TTLL11: variants seen among roughly 807,000 people sequenced by gnomAD.
TTLL11 encodes tubulin tyrosine ligase like 11.
Under a neutral mutation model 51.7 loss-of-function variants are expected in TTLL11, and 42 were observed. The observed-to-expected ratio is 0.81, with a 90% CI of 0.64 to 1.05. TTLL11 has a LOEUF of 1.05. TTLL11 is among the 50% of genes least tolerant of loss of function. TTLL11 has a pLI of 0.00. For synonymous variants in TTLL11, 381 were observed against 383.5 expected (o/e 0.99, Z 0.08); for missense variants, 799 against 940.4 (o/e 0.85, Z 1.97).
At chr9:122,080,671 C>G (rs975177501) in intron 1 of TTLL11, among the ~76,000 whole-genome samples, 4 of 150,546 alleles carry the variant, frequency 2.7e-5, no homozygotes, top group Non-Finnish European at 5.9e-5. Context: ...CCAGCCTGGG[C>G]GACAGAGTGA....
chr9:121,989,050 G>A lies in TTLL11; in HGVS notation c.1269+145C>T. On this transcript the variant is annotated intron_variant, in intron 4 of 8. Transcript: ENST00000321582. The surrounding 1 kb of genome is among the most constrained non-coding windows in gnomAD (Gnocchi z 4.2). ...ACAGAAAGCTTGGAAGTTGGGCCCA[G>A]GTTTAACACCCAAGCCCACAGCACC... 1 of 1,504,674 alleles carries A rather than the reference G, an allele frequency of 6.6e-7. No homozygotes were observed. Among genetic ancestry groups the A allele is most frequent in the Non-Finnish European group, 8.9e-7 (1 of 1,127,206 alleles). 93.2% of individuals were successfully genotyped at this position (1,504,674 alleles called of 1,614,324 possible). A position where few individuals can be genotyped will look rare whatever the true frequency, so the allele number is the denominator to read the frequency against.
chr9:121,983,904 A>G (rs1205257686), intron 4 of TTLL11, among the ~76,000 whole-genome samples: 1 of 152,182 alleles, frequency 6.6e-6, no homozygotes, highest in Non-Finnish European at 1.5e-5. Flanking sequence ...AATGTGTTAG[A>G]GTCCAAAGGA....
chr9:121,979,253 T>G (rs957822811), intron 4 of TTLL11, among the ~76,000 whole-genome samples: 1 of 152,130 alleles, frequency 6.6e-6, no homozygotes, highest in African/African-American at 2.4e-5. Flanking sequence ...GGGAGTGGGC[T>G]TGGAGGAGGA....
rs557683086 is a variant in TTLL11 at position 121,903,173 on chromosome 9, G to T, written c.1482-32425C>A. Among the ~76,000 whole-genome samples the T allele has an allele frequency of 2.0e-5, 3 of 152,128 alleles. No individual in the cohort carries two copies. The East Asian group carries it at 5.8e-4, about 29-fold the overall frequency. On this transcript the variant is annotated intron_variant, in intron 6 of 8. Transcript: ENST00000321582. The stretch of plus-strand genomic sequence containing the variant: ...ATAGATCCTCTAATCCTCATACCAC[G>T]CCTGCAATGCAACAGGCTCCCTATT...
chr9:121,837,089 T>C (rs1837201007), intron 8 of TTLL11, among the ~76,000 whole-genome samples: 1 of 152,142 alleles, frequency 6.6e-6, no homozygotes, highest in Non-Finnish European at 1.5e-5. Context: ...CGTGTCAGCA[T>C]ATATAGATCT....
chr9:121,859,500 G>T (rs914850181), intron 8 of TTLL11, among the ~76,000 whole-genome samples: 2 of 152,018 alleles, frequency 1.3e-5, no homozygotes, highest in African/African-American at 4.8e-5. Flanking sequence ...GTGAGACTCC[G>T]TCTCAAAGAC....
At chr9:121,979,897 T>G (rs1842791718) in intron 4 of TTLL11, among the ~76,000 whole-genome samples, 1 of 151,930 alleles carries the variant, frequency 6.6e-6, no homozygotes, top group African/African-American at 2.4e-5. Flanking sequence ...GCTGAAACAT[T>G]AGTAGTTCAA....
intron 1 of TTLL11, among the ~76,000 whole-genome samples, chr9:122,041,545 A>G (rs1253318341): frequency 6.6e-6 from 1 of 152,246 alleles, no homozygotes; most frequent in Non-Finnish European, 1.5e-5. Flanking sequence ...ACAGAAAAAT[A>G]TTCAAAGTAA....
chr9:121,915,774 T>C lies in TTLL11; in HGVS notation c.1482-45026A>G, dbSNP rs200883949. On this transcript the variant is annotated intron_variant, in intron 6 of 8. Transcript: ENST00000321582. ...TGGCTACTTTATGTTATCTTCACAA[T>C]TTGGGTTTCTTTTTCGTTTACATTT... Among the ~76,000 whole-genome samples, 80 of 152,234 alleles carry C rather than the reference T, an allele frequency of 5.3e-4. No homozygotes were observed. The East Asian group carries it at 0.013, about 26-fold the overall frequency.
At chr9:121,933,055 T>C (rs1841055368) in intron 6 of TTLL11, among the ~76,000 whole-genome samples, 1 of 152,164 alleles carries the variant, frequency 6.6e-6, no homozygotes, top group Non-Finnish European at 1.5e-5. Context: ...TGTCGGTTAG[T>C]TTTTCCTCTC....
intron 6 of TTLL11, among the ~76,000 whole-genome samples, chr9:121,893,349 T>A (rs113703804): frequency 7.3e-6 from 1 of 137,550 alleles, no homozygotes. Flanking sequence ...CATGCATGCA[T>A]ATGTGTGTGT....
chr9:121,930,552 G>A (rs915217280), intron 6 of TTLL11, among the ~76,000 whole-genome samples: 1 of 152,234 alleles, frequency 6.6e-6, no homozygotes, highest in African/African-American at 2.4e-5. Flanking sequence ...CAGCACCTGA[G>A]AATGCTCGTC....
At chr9:121,867,795 A>G (rs1044602765) in intron 7 of TTLL11, among the ~76,000 whole-genome samples, 3 of 151,780 alleles carry the variant, frequency 2.0e-5, no homozygotes, top group African/African-American at 7.3e-5. Flanking sequence ...CCGCCCTGTG[A>G]CTCTACGAAA....
chr9:122,059,748 C>T (rs929709000), intron 1 of TTLL11, among the ~76,000 whole-genome samples: 24 of 152,338 alleles, frequency 1.6e-4, no homozygotes, highest in African/African-American at 5.1e-4. Flanking sequence ...ACTGGTTTCT[C>T]TGTTCCCTGC....
At chr9:121,996,252 T>C (rs1025218295) in intron 3 of TTLL11, among the ~76,000 whole-genome samples, 4 of 152,304 alleles carry the variant, frequency 2.6e-5, no homozygotes, top group African/African-American at 9.6e-5. Flanking sequence ...CGGCTTTCCC[T>C]GGACCTCCAC....
At chr9:121,966,571 T>G (rs1412158023) in intron 6 of TTLL11, among the ~76,000 whole-genome samples, 1 of 152,216 alleles carries the variant, frequency 6.6e-6, no homozygotes, top group African/African-American at 2.4e-5. Context: ...GACAGAAGTT[T>G]TAAAAAGAAA....
intron 6 of TTLL11, among the ~76,000 whole-genome samples, chr9:121,953,458 C>A (rs1841913519): frequency 6.6e-6 from 1 of 151,742 alleles, no homozygotes; most frequent in Non-Finnish European, 1.5e-5. Context: ...ATGGTGAAAC[C>A]CCATCTCTAC....
chr9:121,858,720 A>G (rs1160788199), intron 8 of TTLL11, among the ~76,000 whole-genome samples: 1 of 152,202 alleles, frequency 6.6e-6, no homozygotes, highest in South Asian at 2.1e-4. Flanking sequence ...GCCTCGCACC[A>G]TCAGCGAGGA....
At chr9:122,080,678 G>A (rs1472744179) in intron 1 of TTLL11, among the ~76,000 whole-genome samples, 2 of 151,994 alleles carry the variant, frequency 1.3e-5, no homozygotes, top group East Asian at 1.9e-4. Context: ...GGGCGACAGA[G>A]TGAAACCTTG....
Sources: gnomAD v4.1 joint callset for allele counts (sites outside exome capture counted in the v4.1 genomes callset) on GRCh38, gnomAD v4.1.1 for gene constraint, Gnocchi (gnomAD v3.1) non-coding constraint, MANE v1.5 for transcripts, NCBI Gene and HGNC (gene_info 2026-07-23, HGNC 2026-07-21) for gene names.